ANAPC1: variants seen among roughly 807,000 people sequenced by gnomAD.
ANAPC1 encodes the protein anaphase promoting complex subunit 1, also known as anaphase-promoting complex subunit 1.
In ANAPC1, 36 loss-of-function variants were observed where a neutral mutation model predicts 208.0. The observed-to-expected ratio is 0.17, with a 90% confidence interval of 0.13 to 0.23. ANAPC1 has a LOEUF of 0.23. Among genes scored for constraint, ANAPC1 ranks in the 10% least tolerant of loss-of-function variants. ANAPC1 has a pLI of 1.00. For synonymous variants in ANAPC1, 378 were observed against 695.2 expected, an observed-to-expected ratio of 0.54 and a Z score of 7.18; for missense variants, 942 against 2,011.6, an observed-to-expected ratio of 0.47 and a Z score of 10.17.
chr2:111,867,971 C>T (rs1343959856), intron 7 of ANAPC1, 52 bp downstream of exon 7: 27 of 1,315,754 alleles, frequency 2.1e-5, no homozygotes, highest in Non-Finnish European at 1.7e-5. Flanking sequence ...ACCTCCCTCA[C>T]CAAAGTCAAA....
intron 46 of ANAPC1, among the ~76,000 whole-genome samples, chr2:111,773,867 G>A (rs1399102861): frequency 6.6e-6 from 1 of 151,886 alleles, no homozygotes; most frequent in Non-Finnish European, 1.5e-5. Context: ...AGGTCCTGGT[G>A]CCACACAGTA....
intron 6 of ANAPC1, among the ~76,000 whole-genome samples, chr2:111,868,832 C>A (rs1028658044): frequency 1.3e-5 from 2 of 152,000 alleles, no homozygotes; most frequent in Non-Finnish European, 2.9e-5. Flanking sequence ...CACACCTGGC[C>A]AGAAGCCTAC....
At chr2:111,770,230 A>ATATATATATATATATATAC (rs1558652585) in intron 47 of ANAPC1, among the ~76,000 whole-genome samples, 6 of 89,420 alleles carry the variant, frequency 6.7e-5, no homozygotes, top group African/African-American at 2.7e-4. Flanking sequence ...TATATATATA[A>ATATATATATATATATATAC]ATTCTTTAAA....
chr2:111,825,893 C>G (rs189134352), intron 21 of ANAPC1, 38 bp from the exon 22 acceptor site: 1 of 1,590,764 alleles, frequency 6.3e-7, no homozygotes, highest in African/African-American at 1.3e-5. Flanking sequence ...TTTCTCTTTT[C>G]AGAGACAGCA....
chr2:111,883,697 T>A (rs1431868887), intron 1 of ANAPC1, among the ~76,000 whole-genome samples: 2 of 152,028 alleles, frequency 1.3e-5, no homozygotes, highest in African/African-American at 4.8e-5. Flanking sequence ...AGGCTGCACA[T>A]GGGATGCTAC....
intron 11 of ANAPC1, 32 bp from the exon 12 acceptor site, chr2:111,856,918 C>A (rs765501678): frequency 1.3e-6 from 2 of 1,553,720 alleles, no homozygotes; most frequent in African/African-American, 1.4e-5. Context: ...AAACTTGATA[C>A]ATGCAACAAC....
chr2:111,852,630 G>A (rs1013655180), intron 13 of ANAPC1, among the ~76,000 whole-genome samples: 1 of 151,860 alleles, frequency 6.6e-6, no homozygotes, highest in Non-Finnish European at 1.5e-5. Flanking sequence ...TGATTTCTCT[G>A]CATCTATTTA....
chr2:111,791,766 G>C (rs964164782), intron 38 of ANAPC1, among the ~76,000 whole-genome samples: 3 of 151,944 alleles, frequency 2.0e-5, no homozygotes, highest in Non-Finnish European at 4.4e-5. Context: ...TGATTGAGAG[G>C]GGTGCATGGC....
At chr2:111,883,816 C>CCCTCGGGTTCCCAGTA (rs1326976902) in intron 1 of ANAPC1, 126 bp downstream of exon 1, 2 of 152,404 alleles carry the variant, frequency 1.3e-5, no homozygotes, top group Non-Finnish European at 2.9e-5. Context: ...TCAAGGCCCT[C>CCCTCGGGTTCCCAGTA]CCTCGGGTTC....
chr2:111,876,335 A>T (rs373898691), intron 3 of ANAPC1, among the ~76,000 whole-genome samples: 5 of 152,362 alleles, frequency 3.3e-5, no homozygotes, highest in African/African-American at 1.2e-4. Flanking sequence ...CATATACCTG[A>T]TATTATTTCA....
At chr2:111,846,534 C>CATATAT (rs1158119946) in intron 16 of ANAPC1, among the ~76,000 whole-genome samples, 126 of 68,328 alleles carry the variant, frequency 1.8e-3, no homozygotes, top group African/African-American at 7.4e-3. Flanking sequence ...TATACATATA[C>CATATAT]ATATATATAT....
chr2:111,829,705 TA>T (rs1558698907), intron 21 of ANAPC1, among the ~76,000 whole-genome samples: 3 of 147,268 alleles, frequency 2.0e-5, no homozygotes, highest in Non-Finnish European at 4.6e-5. Flanking sequence ...ATAATAAAAA[TA>T]AATAAAGAAG....
chr2:111,818,522 T>C (rs1344770801), intron 27 of ANAPC1, among the ~76,000 whole-genome samples: 2 of 150,730 alleles, frequency 1.3e-5, no homozygotes, highest in Non-Finnish European at 3.0e-5. Flanking sequence ...TATTTTTACA[T>C]ATTAAACTTA....
intron 7 of ANAPC1, among the ~76,000 whole-genome samples, chr2:111,867,690 CAA>C (rs34739497): frequency 0.11 from 16,003 of 141,386 alleles, 1,013 homozygotes; most frequent in South Asian, 0.22. Context: ...AGACCCCTCT[CAA>C]AAAAAAAAAA....
intron 28 of ANAPC1, among the ~76,000 whole-genome samples, chr2:111,810,304 G>GA (rs113936416): frequency 0.04 from 5,787 of 144,482 alleles, 261 homozygotes; most frequent in African/African-American, 0.1. Context: ...AGTGAAGGTG[G>GA]GGGGGGGTGA....
intron 47 of ANAPC1, among the ~76,000 whole-genome samples, chr2:111,769,976 C>T (rs1676642829): frequency 6.6e-6 from 1 of 151,780 alleles, no homozygotes; most frequent in South Asian, 2.1e-4. Flanking sequence ...GCCACTGCGC[C>T]CAGCCTCGGC....
At chr2:111,845,494 T>C (rs565747841) in intron 16 of ANAPC1, among the ~76,000 whole-genome samples, 1 of 152,338 alleles carries the variant, frequency 6.6e-6, no homozygotes, top group South Asian at 2.1e-4. Flanking sequence ...CAATGCTGCA[T>C]GAGTGTGTGA....
At chr2:111,799,346 T>C (rs1573351008) in intron 34 of ANAPC1, among the ~76,000 whole-genome samples, 2 of 152,342 alleles carry the variant, frequency 1.3e-5, no homozygotes, top group South Asian at 2.1e-4. Flanking sequence ...CAAACACTGT[T>C]GGTCAATGTG....
rs950197364 is a variant in ANAPC1, at chr2:111,768,305, T to A, written c.*986A>T. ...AAATCTTAGGTAAATATGGATTGTCTTGTTTTTAAATACAATTTCTAAAGA... is the reference window on the plus strand; with the variant it reads ...AAATCTTAGGTAAATATGGATTGTCATGTTTTTAAATACAATTTCTAAAGA... On this transcript the variant is annotated 3_prime_UTR_variant, in exon 48 of 48. Coordinates refer to ENST00000341068, the MANE Select transcript of ANAPC1 (RefSeq NM_022662.4). 22 of 152,170 alleles carry A rather than the reference T, an allele frequency of 1.4e-4. No homozygotes were observed. Among genetic ancestry groups the A allele is most frequent in the African/African-American group, 5.3e-4 (22 of 41,440 alleles). The allele number at this position is 152,170 out of a possible 1,614,324, so 9.4% of individuals were successfully genotyped here. A position where few individuals can be genotyped will look rare whatever the true frequency, so the allele number is the denominator to read the frequency against.
Sources: gnomAD v4.1 joint callset for allele counts (sites outside exome capture counted in the v4.1 genomes callset) on GRCh38, gnomAD v4.1.1 for gene constraint, MANE v1.5 for transcripts, NCBI Gene and HGNC (gene_info 2026-07-23, HGNC 2026-07-21) for gene names.